Variants in SCARB1 observed in about 807,000 individuals in gnomAD.
The protein encoded by SCARB1 is scavenger receptor class B member 1.
A neutral mutation model predicts 57.2 loss-of-function variants in SCARB1; 30 were observed. That is an observed-to-expected ratio of 0.52 (90% CI 0.39 to 0.71). The LOEUF (loss-of-function observed/expected upper bound fraction) is 0.71, where lower values mean the gene tolerates loss of function less well. SCARB1 is among the 30% of genes least tolerant of loss of function. The pLI, the probability that SCARB1 is intolerant of heterozygous loss-of-function variation, is 0.00. For synonymous variants in SCARB1, 249 were observed against 268.3 expected (o/e 0.93, Z 0.70); for missense variants, 543 against 671.2 (o/e 0.81, Z 2.11).
At chr12:124,854,274 C>T (rs1421667307) in intron 1 of SCARB1, among the ~76,000 whole-genome samples, 1 of 152,176 alleles carries the variant, frequency 6.6e-6, no homozygotes, top group Non-Finnish European at 1.5e-5. Context: ...GTCAGGAGAG[C>T]TAAGGCGATT....
chr12:124,786,558 G>A (rs1740950191), intron 10 of SCARB1, 55 bp from the exon 11 acceptor site: 1 of 1,605,282 alleles, frequency 6.2e-7, no homozygotes, highest in South Asian at 1.1e-5. Flanking sequence ...GCGGGCTACA[G>A]CGCAGATGCC....
chr12:124,791,425 G>A (rs921949624), intron 9 of SCARB1, among the ~76,000 whole-genome samples: 2 of 152,136 alleles, frequency 1.3e-5, no homozygotes, highest in African/African-American at 4.8e-5. Flanking sequence ...ATATTATAAC[G>A]TAACTCTTCC....
intron 1 of SCARB1, among the ~76,000 whole-genome samples, chr12:124,856,406 G>T (rs1399676256): frequency 2.6e-5 from 4 of 152,200 alleles, no homozygotes; most frequent in African/African-American, 4.8e-5. Flanking sequence ...CAACACACGT[G>T]TGTGCAAACA....
At chr12:124,802,149 C>CGAA (rs1555262092) in intron 7 of SCARB1, among the ~76,000 whole-genome samples, 1 of 111,826 alleles carries the variant, frequency 8.9e-6, no homozygotes, top group Non-Finnish European at 1.8e-5. Flanking sequence ...GACTGTGTCT[C>CGAA]AAAAAAAAAA....
At chr12:124,825,020 C>T (rs1403576948) in intron 1 of SCARB1, among the ~76,000 whole-genome samples, 5 of 151,464 alleles carry the variant, frequency 3.3e-5, no homozygotes, top group Admixed American at 6.6e-5. Flanking sequence ...GTCAGGAGAT[C>T]GAGATCATCC....
chr12:124,800,362 CCAGA>C lies in SCARB1; in HGVS notation c.1010-124_1010-121del. ...CACCCCCGTGGCGATGACAAGATAA[CCAGA>C]CAGAGAGGATCCCTTCCTCCATTCT... On this transcript the variant is annotated intron_variant, in intron 7 of 12. Coordinates refer to ENST00000261693, the MANE Select transcript of SCARB1 (RefSeq NM_005505.5). This position sits in a 1 kb window ranked among gnomAD's most constrained non-coding sequence, Gnocchi z 4.8. 2 of 712,086 alleles carry C rather than the reference CCAGA, an allele frequency of 2.8e-6. No individual in the cohort carries two copies. Among genetic ancestry groups the C allele is most frequent in the South Asian group, 1.7e-5 (1 of 59,182 alleles). 44.1% of individuals were successfully genotyped at this position (712,086 alleles called of 1,614,324 possible).
At position 124,793,692 on chromosome 12, in the gene SCARB1, CAAAAAAAA is replaced by C. The variant is rs71092224; in HGVS notation, c.1202+1495_1202+1502del. Among the ~76,000 whole-genome samples, 9 of 51,534 alleles carry C rather than the reference CAAAAAAAA, an allele frequency of 1.7e-4. No individual in the cohort carries two copies. The East Asian group carries it at 4.1e-3, about 24-fold the overall frequency. 33.8% of individuals were successfully genotyped at this position (51,534 alleles called of 152,430 possible). On this transcript the variant is annotated intron_variant, in intron 9 of 12. Coordinates refer to ENST00000261693, the MANE Select transcript of SCARB1 (RefSeq NM_005505.5). ...TGGGCGACAGAGCGAGACTCCGTCT[CAAAAAAAA>C]AAAAAAAAAAAAAAGAATGGGGATG...
chr12:124,857,061 C>T (rs1248159324), intron 1 of SCARB1, among the ~76,000 whole-genome samples: 1 of 152,070 alleles, frequency 6.6e-6, no homozygotes, highest in South Asian at 2.1e-4. Context: ...AAGAAGGGCA[C>T]CCCCCGCCGC....
chr12:124,806,832 G>A (rs1950341298), intron 7 of SCARB1, among the ~76,000 whole-genome samples: 2 of 152,138 alleles, frequency 1.3e-5, no homozygotes, highest in Non-Finnish European at 2.9e-5. Context: ...AGCCCATGAG[G>A]TCGAGGCTGC....
intron 1 of SCARB1, among the ~76,000 whole-genome samples, chr12:124,842,385 C>T (rs1951941465): frequency 6.6e-6 from 1 of 152,240 alleles, no homozygotes; most frequent in African/African-American, 2.4e-5. Context: ...CTCATTCTTC[C>T]ATCCGTCCCA....
chr12:124,834,813 C>T (rs1038806611), intron 1 of SCARB1, among the ~76,000 whole-genome samples: 2 of 152,112 alleles, frequency 1.3e-5, no homozygotes, highest in African/African-American at 4.8e-5. Context: ...GAGGCTGAGG[C>T]AGGAGGATTG....
Position 124,810,124 on chromosome 12 carries a change from G to T in SCARB1, c.842+50C>A. 1 of 1,166,644 alleles carries T rather than the reference G, an allele frequency of 8.6e-7. No homozygotes were observed. The highest frequency in any genetic ancestry group is 1.3e-6 in the Non-Finnish European group (1 of 776,194). 72.3% of individuals were successfully genotyped at this position (1,166,644 alleles called of 1,614,324 possible). On this transcript the variant is annotated intron_variant, in intron 6 of 12. Transcript: ENST00000261693. This position sits in a 1 kb window ranked among gnomAD's most constrained non-coding sequence, Gnocchi z 4.0. ...GTGCACAGCCAACACCACAGAATTT[G>T]GCCATGAGCTACCCAGGAAACCCAG...
intron 1 of SCARB1, among the ~76,000 whole-genome samples, chr12:124,848,291 C>T (rs11057859): frequency 0.06 from 9,126 of 152,246 alleles, 326 homozygotes; most frequent in African/African-American, 0.095. Context: ...ACCATGCTGC[C>T]CAGGATGGTC....
intron 1 of SCARB1, among the ~76,000 whole-genome samples, chr12:124,819,390 G>GTA (rs1242530182): frequency 2.0e-5 from 3 of 152,188 alleles, no homozygotes; most frequent in Non-Finnish European, 4.4e-5. Context: ...ATAAAGAAAT[G>GTA]TATATGAAAT....
intron 1 of SCARB1, among the ~76,000 whole-genome samples, chr12:124,845,147 C>T (rs1004928423): frequency 6.6e-6 from 1 of 152,148 alleles, no homozygotes; most frequent in Admixed American, 6.6e-5. Flanking sequence ...AAGGAGACCA[C>T]TGAAAGCAGA....
intron 1 of SCARB1, among the ~76,000 whole-genome samples, chr12:124,824,403 G>A (rs61943646): frequency 0.011 from 1,646 of 152,302 alleles, 11 homozygotes; most frequent in Admixed American, 0.017. Flanking sequence ...GTGGGTGACT[G>A]CTTAATGGGT....
At position 124,815,105 on chromosome 12, in the gene SCARB1, C is replaced by T; in HGVS notation, c.294G>A (p.Arg98=). The T allele has an allele frequency of 1.2e-6, 2 of 1,613,504 alleles. No individual in the cohort carries two copies. Among genetic ancestry groups the T allele is most frequent in the Non-Finnish European group, 1.7e-6 (2 of 1,179,992 alleles). ...ERGPYVYREF[R]HKSNITFNNN... is the part of the protein sequence containing the mutation. ...TGTTGAAGGTGATGTTGCTTTTGTGCCTGAACTCCCTGTGGGGGAAGCCAG... is the reference window on the plus strand; with the variant it reads ...TGTTGAAGGTGATGTTGCTTTTGTGTCTGAACTCCCTGTGGGGGAAGCCAG... The change falls in exon 3 of 13, where the codon AGG becomes AGA. Residue 98 remains arginine (R), a synonymous_variant. Transcript: ENST00000261693.
chr12:124,806,929 T>C (rs1392719907), intron 7 of SCARB1, among the ~76,000 whole-genome samples: 1 of 151,884 alleles, frequency 6.6e-6, no homozygotes, highest in Non-Finnish European at 1.5e-5. Context: ...CTGGGCGCGG[T>C]GGCTCACACC....
chr12:124,842,774 C>T (rs1436830401), intron 1 of SCARB1, among the ~76,000 whole-genome samples: 1 of 152,216 alleles, frequency 6.6e-6, no homozygotes, highest in Non-Finnish European at 1.5e-5. Context: ...CTTTGGGAAA[C>T]ACAGCCCTGT....
Sources: gnomAD v4.1 joint callset for allele counts (sites outside exome capture counted in the v4.1 genomes callset) on GRCh38, gnomAD v4.1.1 for gene constraint, Gnocchi (gnomAD v3.1) non-coding constraint, MANE v1.5 for transcripts, NCBI Gene and HGNC (gene_info 2026-07-23, HGNC 2026-07-21) for gene names.